ARMC2: variants seen among roughly 807,000 people sequenced by gnomAD.
The protein encoded by ARMC2 is armadillo repeat-containing protein 2.
Under a neutral mutation model 90.3 loss-of-function variants are expected in ARMC2, and 67 were observed. That is an observed-to-expected ratio of 0.74 (90% CI 0.61 to 0.91). ARMC2 has a LOEUF of 0.91. Ranked by LOEUF, ARMC2 falls within the 40% of genes least tolerant of loss-of-function variation. The probability of loss-of-function intolerance (pLI) is 0.00; values close to 1 mark genes in which losing one functional copy is unlikely to be tolerated. For synonymous variants in ARMC2, 393 were observed against 393.0 expected (o/e 1.00, Z 0.00); for missense variants, 920 against 1,030.9 (o/e 0.89, Z 1.47).
chr6:108,872,711 A>G (rs1334917459), intron 4 of ARMC2, among the ~76,000 whole-genome samples: 1 of 152,176 alleles, frequency 6.6e-6, no homozygotes, highest in Non-Finnish European at 1.5e-5. Context: ...AGAGGTCGGG[A>G]AGCAAATAAA....
chr6:109,046,450 C>A, the ARMC2 span, among the ~76,000 whole-genome samples: 65 of 149,592 alleles, frequency 4.3e-4, 1 homozygote, highest in East Asian at 0.012. Context: ...CACCTCCCAG[C>A]CGCCTGCCTT....
chr6:108,984,243 T>C, the ARMC2 span, among the ~76,000 whole-genome samples: 1 of 152,196 alleles, frequency 6.6e-6, no homozygotes, highest in African/African-American at 2.4e-5. Context: ...GCTGCTTTAG[T>C]TTTCAATGTG....
At chr6:108,865,690 G>A (rs1017755978) in intron 3 of ARMC2, among the ~76,000 whole-genome samples, 2 of 152,046 alleles carry the variant, frequency 1.3e-5, no homozygotes, top group Non-Finnish European at 2.9e-5. Flanking sequence ...TCTCTTTTGG[G>A]GAAATTTGCT....
chr6:109,012,405 C>T, the ARMC2 span, among the ~76,000 whole-genome samples: 1 of 152,158 alleles, frequency 6.6e-6, no homozygotes, highest in Admixed American at 6.5e-5. Flanking sequence ...ACTTACTCAA[C>T]TGTATCAAAG....
chr6:108,878,542 T>C (rs1432517252), intron 5 of ARMC2, among the ~76,000 whole-genome samples: 2 of 152,210 alleles, frequency 1.3e-5, no homozygotes, highest in Non-Finnish European at 2.9e-5. Context: ...TCATTTATAA[T>C]ATGGATAATT....
the ARMC2 span, among the ~76,000 whole-genome samples, chr6:108,993,940 G>C: frequency 6.6e-6 from 1 of 151,876 alleles, no homozygotes; most frequent in East Asian, 1.9e-4. Flanking sequence ...TTAAGGAAGA[G>C]AAGCGTGGGC....
At chr6:108,988,609 G>A in the ARMC2 span, 68 of 1,613,004 alleles carry the variant, frequency 4.2e-5, no homozygotes, top group East Asian at 1.3e-3. Context: ...TTTCAGGAGT[G>A]CAAACAACAG....
the ARMC2 span, chr6:108,992,757 C>G: frequency 1.5e-6 from 2 of 1,322,960 alleles, no homozygotes; most frequent in South Asian, 1.2e-5. Context: ...TATTTCTAGT[C>G]AATCATGTGC....
intron 12 of ARMC2, among the ~76,000 whole-genome samples, chr6:108,948,041 G>A (rs570371864): frequency 2.6e-5 from 4 of 152,286 alleles, no homozygotes; most frequent in East Asian, 1.9e-4. Context: ...ATCCTTTTCC[G>A]CTGTGGAATT....
intron 11 of ARMC2, among the ~76,000 whole-genome samples, chr6:108,929,561 G>A (rs1775362054): frequency 6.6e-6 from 1 of 152,084 alleles, no homozygotes; most frequent in East Asian, 1.9e-4. Flanking sequence ...CTACAGCCTC[G>A]ACTGCCCAGG....
chr6:108,919,230 T>C (rs1260643200), intron 10 of ARMC2, among the ~76,000 whole-genome samples: 1 of 152,254 alleles, frequency 6.6e-6, no homozygotes, highest in Non-Finnish European at 1.5e-5. Flanking sequence ...GTCTTTTAAC[T>C]CTTGCTTTAG....
chr6:108,935,634 G>A (rs1342760705), intron 11 of ARMC2, among the ~76,000 whole-genome samples: 1 of 151,966 alleles, frequency 6.6e-6, no homozygotes, highest in African/African-American at 2.4e-5. Context: ...GTAGAGACGG[G>A]GTTTCGCCAT....
chr6:108,866,576 TA>T (rs1405836227), intron 3 of ARMC2, among the ~76,000 whole-genome samples: 1 of 152,210 alleles, frequency 6.6e-6, no homozygotes, highest in Non-Finnish European at 1.5e-5. Flanking sequence ...TGAGCTTCCA[TA>T]ATAGGAATTG....
the ARMC2 span, among the ~76,000 whole-genome samples, chr6:109,052,897 C>T: frequency 2.6e-5 from 4 of 152,180 alleles, 1 homozygote; most frequent in South Asian, 8.3e-4. Flanking sequence ...AACTACACAG[C>T]TGCTACCCCG....
intron 13 of ARMC2, among the ~76,000 whole-genome samples, chr6:108,959,933 G>A (rs1233165021): frequency 2.0e-5 from 3 of 151,958 alleles, no homozygotes; most frequent in Non-Finnish European, 2.9e-5. Context: ...TGATCAGCCC[G>A]CCTTGGCTTC....
chr6:109,041,754 G>A, the ARMC2 span, among the ~76,000 whole-genome samples: 2 of 151,956 alleles, frequency 1.3e-5, no homozygotes, highest in Non-Finnish European at 2.9e-5. Context: ...ATTATAGCAG[G>A]AGACTTCAAC....
At chr6:108,869,283 A>G (rs1358026869) in intron 4 of ARMC2, among the ~76,000 whole-genome samples, 13 of 152,300 alleles carry the variant, frequency 8.5e-5, no homozygotes, top group Admixed American at 4.6e-4. Flanking sequence ...CAAAGCGGCC[A>G]GATCACCTGA....
At position 108,918,496 on chromosome 6, in the gene ARMC2, T is replaced by A. The variant is rs543304710; in HGVS notation, c.1350+5938T>A. Among the ~76,000 whole-genome samples the A allele has an allele frequency of 3.7e-3, 552 of 150,176 alleles. 1 individual carries two copies. The highest frequency in any genetic ancestry group is 0.011 in the South Asian group (53 of 4,682). ...TGATATACTTGATTTTTTTTTTTTT[T>A]AAATTTCTGAGCCCTAGAGTGAGCT... is the stretch of plus-strand genomic sequence containing the variant. On this transcript the variant is annotated intron_variant, in intron 10 of 17. Coordinates refer to ENST00000392644, the MANE Select transcript of ARMC2 (RefSeq NM_032131.6).
chr6:108,928,756 G>A (rs1775297855), intron 11 of ARMC2, among the ~76,000 whole-genome samples: 1 of 152,088 alleles, frequency 6.6e-6, no homozygotes, highest in South Asian at 2.1e-4. Flanking sequence ...TTGCCTCCAA[G>A]CAAGATGTTG....
Sources: gnomAD v4.1 joint callset for allele counts (sites outside exome capture counted in the v4.1 genomes callset) on GRCh38, gnomAD v4.1.1 for gene constraint, MANE v1.5 for transcripts, NCBI Gene and HGNC (gene_info 2026-07-23, HGNC 2026-07-21) for gene names.